MARCHF1: variants seen among roughly 807,000 people sequenced by gnomAD.
The protein encoded by MARCHF1 is E3 ubiquitin-protein ligase MARCHF1.
Under a neutral mutation model 54.2 loss-of-function variants are expected in MARCHF1, and 40 were observed. The observed-to-expected ratio is 0.74, with a 90% CI of 0.57 to 0.96. The LOEUF (loss-of-function observed/expected upper bound fraction) is 0.96. Ranked by LOEUF, MARCHF1 falls within the 40% of genes least tolerant of loss-of-function variation. MARCHF1 has a pLI of 0.00. For missense variants in MARCHF1, 586 were observed against 656.5 expected (o/e 0.89, Z 1.17); for synonymous variants, 236 against 236.3 (o/e 1.00, Z 0.01).
chr4:163,981,808 T>C (rs1198142637), intron 3 of MARCHF1, among the ~76,000 whole-genome samples: 3 of 152,216 alleles, frequency 2.0e-5, no homozygotes, highest in Admixed American at 6.5e-5. Flanking sequence ...CCAAGACTCT[T>C]CCACATGAAG....
At chr4:163,664,347 A>T (rs1265439542) in intron 5 of MARCHF1, among the ~76,000 whole-genome samples, 1 of 152,144 alleles carries the variant, frequency 6.6e-6, no homozygotes, top group Non-Finnish European at 1.5e-5. Flanking sequence ...ATACTATTTT[A>T]AAATAATGTA....
Position 164,242,818 on chromosome 4 carries a change from C to T in MARCHF1, c.-322-131156G>A, listed in dbSNP as rs1217861024. On this transcript the variant is annotated intron_variant, in intron 1 of 9. Coordinates refer to ENST00000514618, the MANE Select transcript of MARCHF1 (RefSeq NM_001394959.1). ...AGAGCTGAAAACCAAGGCTCGAGAACTACGTGAAGAATGCAGAAGCCTCAG... is the reference window on the plus strand; with the variant it reads ...AGAGCTGAAAACCAAGGCTCGAGAATTACGTGAAGAATGCAGAAGCCTCAG... 3.3e-5 allele frequency among the ~76,000 whole-genome samples: 5 copies of T among 151,716 alleles called. No individual in the cohort carries two copies. In the South Asian group the frequency reaches 8.4e-4, roughly 25 times the overall value.
At chr4:164,187,639 C>G (rs1170745728) in intron 1 of MARCHF1, among the ~76,000 whole-genome samples, 1 of 152,130 alleles carries the variant, frequency 6.6e-6, no homozygotes, top group African/African-American at 2.4e-5. Context: ...CAACTGGCAG[C>G]TGCAATATTT....
At chr4:163,902,577 C>T (rs570577369) in intron 3 of MARCHF1, among the ~76,000 whole-genome samples, 29 of 152,188 alleles carry the variant, frequency 1.9e-4, no homozygotes, top group African/African-American at 7.0e-4. Flanking sequence ...TTTTTCCTCC[C>T]CTAAACAAAG....
intron 3 of MARCHF1, among the ~76,000 whole-genome samples, chr4:163,873,777 A>G (rs886402658): frequency 6.6e-6 from 1 of 152,288 alleles, no homozygotes; most frequent in Non-Finnish European, 1.5e-5. Flanking sequence ...TTCTCCCTGG[A>G]CACTTCCTTT....
intron 1 of MARCHF1, among the ~76,000 whole-genome samples, chr4:164,159,450 T>C (rs934031911): frequency 3.3e-5 from 5 of 152,170 alleles, no homozygotes; most frequent in Non-Finnish European, 7.4e-5. Context: ...TCCTTTTTAA[T>C]AAACCAATGG....
chr4:163,930,027 T>C (rs913481167), intron 3 of MARCHF1, among the ~76,000 whole-genome samples: 5 of 137,886 alleles, frequency 3.6e-5, no homozygotes, highest in African/African-American at 1.3e-4. Context: ...ATATACTATA[T>C]TATATATAGC....
chr4:164,248,672 A>G (rs1291401321), intron 1 of MARCHF1, among the ~76,000 whole-genome samples: 3 of 152,084 alleles, frequency 2.0e-5, no homozygotes, highest in African/African-American at 7.2e-5. Context: ...TATATTCTCC[A>G]TTGTGTTCTA....
chr4:164,316,666 T>C (rs757319092), intron 1 of MARCHF1, among the ~76,000 whole-genome samples: 1 of 152,182 alleles, frequency 6.6e-6, no homozygotes, highest in Admixed American at 6.5e-5. Context: ...AAAAATACTT[T>C]TATGCTAAGA....
intron 4 of MARCHF1, among the ~76,000 whole-genome samples, chr4:163,718,979 C>T (rs536352680): frequency 6.6e-6 from 1 of 152,256 alleles, no homozygotes; most frequent in Non-Finnish European, 1.5e-5. Context: ...TGCCACATGT[C>T]CAACTCTATA....
At chr4:163,529,558 A>G (rs1157804639) in intron 9 of MARCHF1, among the ~76,000 whole-genome samples, 1 of 152,054 alleles carries the variant, frequency 6.6e-6, no homozygotes. Context: ...GAGGAGTAAG[A>G]GGGAGGGGAA....
At chr4:164,183,661 A>G (rs992159999) in intron 1 of MARCHF1, among the ~76,000 whole-genome samples, 2 of 152,196 alleles carry the variant, frequency 1.3e-5, no homozygotes, top group Admixed American at 6.5e-5. Context: ...GGCTGATGCC[A>G]TATACCACAC....
chr4:164,014,110 T>C lies in MARCHF1; in HGVS notation c.-247-25401A>G, dbSNP rs539786822. Among the ~76,000 whole-genome samples, 6 of 151,166 alleles carry C rather than the reference T, an allele frequency of 4.0e-5. No homozygotes were observed. The East Asian group carries it at 1.2e-3, about 29-fold the overall frequency. On this transcript the variant is annotated intron_variant, in intron 2 of 9. Coordinates refer to ENST00000514618, the MANE Select transcript of MARCHF1 (RefSeq NM_001394959.1). ...GGGAGGCTGAGGCAGGAGAATTGTT[T>C]GAACCCAGGAGGCAGAGGTTGCAGT...
At chr4:163,591,595 C>A (rs941321718) in intron 7 of MARCHF1, among the ~76,000 whole-genome samples, 1 of 152,032 alleles carries the variant, frequency 6.6e-6, no homozygotes, top group Admixed American at 6.6e-5. Context: ...AGAAGTCAGG[C>A]TAAAGATGGC....
intron 7 of MARCHF1, among the ~76,000 whole-genome samples, chr4:163,588,126 C>T (rs190780473): frequency 2.0e-4 from 31 of 152,174 alleles, no homozygotes; most frequent in Middle Eastern, 3.4e-3. Context: ...TCTAAAGTCC[C>T]GGGGTGGAAG....
chr4:163,584,777 A>G (rs1185490998), intron 8 of MARCHF1: 1 of 151,868 alleles, frequency 6.6e-6, no homozygotes, highest in African/African-American at 2.4e-5. Context: ...AACTCTGCTC[A>G]TTCTGGAACT....
intron 1 of MARCHF1, among the ~76,000 whole-genome samples, chr4:164,281,767 A>G (rs936885962): frequency 3.3e-5 from 5 of 152,186 alleles, no homozygotes; most frequent in Non-Finnish European, 5.9e-5. Flanking sequence ...TTGTGGAGCC[A>G]TCACCTATAA....
intron 1 of MARCHF1, among the ~76,000 whole-genome samples, chr4:164,290,181 A>T (rs1443713478): frequency 2.0e-5 from 3 of 151,948 alleles, no homozygotes; most frequent in Non-Finnish European, 4.4e-5. Flanking sequence ...CAGAGGCTGT[A>T]TCTTATTCAT....
chr4:163,861,183 G>A (rs1353480321), intron 3 of MARCHF1, among the ~76,000 whole-genome samples: 2 of 152,164 alleles, frequency 1.3e-5, no homozygotes, highest in Non-Finnish European at 2.9e-5. Context: ...ACCTTTGGTG[G>A]GCTCATCAGT....
Sources: gnomAD v4.1 joint callset for allele counts (sites outside exome capture counted in the v4.1 genomes callset) on GRCh38, gnomAD v4.1.1 for gene constraint, MANE v1.5 for transcripts, NCBI Gene and HGNC (gene_info 2026-07-23, HGNC 2026-07-21) for gene names.